TRAM1: variants seen among roughly 807,000 people sequenced by gnomAD.
TRAM1 encodes translocating chain-associated membrane protein 1.
TRAM1 carries 17 observed loss-of-function variants against 48.7 expected under a neutral mutation model. The ratio of observed to expected loss-of-function variants is 0.35; its 90% CI spans 0.24 to 0.52. TRAM1 has a LOEUF of 0.52. Ranked by LOEUF, TRAM1 falls within the 20% of genes least tolerant of loss-of-function variation. The pLI is 0.94. For missense variants in TRAM1, 351 were observed against 441.5 expected (o/e 0.79, Z 1.84); for synonymous variants, 182 against 154.0 (o/e 1.18, Z -1.34).
At chr8:70,599,983 T>C (rs746336269) in intron 2 of TRAM1, 36 bp downstream of exon 2, 16 of 1,571,132 alleles carry the variant, frequency 1.0e-5, no homozygotes, top group African/African-American at 1.4e-5. Context: ...ACTGAACTTC[T>C]ATTTACGTAG....
intron 10 of TRAM1, among the ~76,000 whole-genome samples, chr8:70,577,783 C>A (rs1408379883): frequency 1.3e-5 from 2 of 152,360 alleles, no homozygotes; most frequent in East Asian, 1.9e-4. Context: ...GGCTATGACA[C>A]CCTCTTTGGG....
chr8:70,587,272 C>G, intron 6 of TRAM1, 96 bp from the exon 7 acceptor site: 1 of 1,251,582 alleles, frequency 8.0e-7, no homozygotes, highest in Non-Finnish European at 1.1e-6. Flanking sequence ...AGGTTGGTCT[C>G]AAAACCTTGG....
intron 10 of TRAM1, among the ~76,000 whole-genome samples, chr8:70,580,219 T>C (rs184808809): frequency 6.6e-6 from 1 of 152,208 alleles, no homozygotes; most frequent in Admixed American, 6.5e-5. Flanking sequence ...GCCAGTATTA[T>C]CTTGATACTA....
At chr8:70,600,526 CAG>C (rs1817586390) in intron 1 of TRAM1, among the ~76,000 whole-genome samples, 2 of 152,104 alleles carry the variant, frequency 1.3e-5, no homozygotes, top group African/African-American at 4.8e-5. Context: ...ACACACCCAG[CAG>C]AGTTAAGTGG....
In TRAM1 at chr8:70,608,128, C is replaced by A; in HGVS notation, c.72G>T (p.Ala24=). ...LSHEFVLQNH[A]DIVSCVAMVF... is the part of the protein sequence containing the mutation. ...CCATCGCCACACAGGAGACGATGTC[C>A]GCGTGATTCTGCAGGACGAATTCGT... The change falls in exon 1 of 11, where the codon GCG becomes GCT. Residue 24 remains alanine (A), a synonymous_variant. Transcript: ENST00000262213. The A allele has an allele frequency of 6.3e-7, 1 of 1,599,926 alleles. No individual in the cohort carries two copies. Among genetic ancestry groups the A allele is most frequent in the South Asian group, 1.1e-5 (1 of 89,666 alleles).
In TRAM1 at chr8:70,583,845, C is replaced by T. The variant is rs371644571; in HGVS notation, c.747-52G>A. 5.4e-5 allele frequency: 82 copies of T among 1,512,324 alleles called. 1 individual carries two copies. The African/African-American group carries it at 9.4e-4, about 17-fold the overall frequency. 93.7% of individuals were successfully genotyped at this position (1,512,324 alleles called of 1,614,324 possible). A position where few individuals can be genotyped will look rare whatever the true frequency, so the allele number is the denominator to read the frequency against. ...TTCCTGAAATCTCAAAAACAAGATT[C>T]TATTAGAAATTAGATTCCTAAGTTG... On this transcript the variant is annotated intron_variant, in intron 8 of 10. Coordinates refer to ENST00000262213, the MANE Select transcript of TRAM1 (RefSeq NM_014294.6).
At chr8:70,577,815 C>T (rs146151909) in intron 10 of TRAM1, among the ~76,000 whole-genome samples, 1,814 of 152,354 alleles carry the variant, frequency 0.012, 14 homozygotes, top group Non-Finnish European at 0.018. Flanking sequence ...CCCACCATCT[C>T]CAAGCTCTGG....
rs576424808 is a variant in TRAM1, at chr8:70,581,583, C to A, written c.1051+1581G>T. Reference sequence around the variant, plus strand: ...CCCTCAAAATGTTAAACATAGTTACCGCATGACTCGGAAATCCCACTCCTA... The same window carrying A: ...CCCTCAAAATGTTAAACATAGTTACAGCATGACTCGGAAATCCCACTCCTA... On this transcript the variant is annotated intron_variant, in intron 10 of 10. Coordinates refer to ENST00000262213, the MANE Select transcript of TRAM1 (RefSeq NM_014294.6). Among the ~76,000 whole-genome samples, 3 of 152,084 alleles carry A rather than the reference C, an allele frequency of 2.0e-5. No individual in the cohort carries two copies. The East Asian group carries it at 5.8e-4, about 29-fold the overall frequency.
chr8:70,598,242 A>G lies in TRAM1; in HGVS notation c.201T>C (p.Thr67=), dbSNP rs1428890809. The G allele has an allele frequency of 6.2e-7, 1 of 1,608,240 alleles. No individual in the cohort carries two copies. The highest frequency in any genetic ancestry group is 1.7e-5 in the Admixed American group (1 of 59,006). ...VTLPATEEQA[T]ESVSLYYYGI... ...CATAGTAATAAAGGGACACTGATTC[A>G]GTAGCTTGTTCTTCTGAAGACCAAA... Residue 67 remains threonine, a synonymous_variant, in exon 3 of 11, where the codon ACT becomes ACC. Coordinates refer to ENST00000262213, the MANE Select transcript of TRAM1 (RefSeq NM_014294.6).
chr8:70,590,860 A>G (rs565980623), intron 6 of TRAM1, among the ~76,000 whole-genome samples: 1 of 152,356 alleles, frequency 6.6e-6, no homozygotes, highest in African/African-American at 2.4e-5. Flanking sequence ...TAGTGTCTCT[A>G]AAGCAGTGTT....
chr8:70,602,874 T>A (rs1353486436), intron 1 of TRAM1, among the ~76,000 whole-genome samples: 3 of 152,196 alleles, frequency 2.0e-5, no homozygotes, highest in Admixed American at 6.5e-5. Flanking sequence ...GGGGCCGTGG[T>A]ACCACAAAAG....
At chr8:70,586,485 T>C (rs1354983880) in intron 8 of TRAM1, among the ~76,000 whole-genome samples, 1 of 152,146 alleles carries the variant, frequency 6.6e-6, no homozygotes, top group African/African-American at 2.4e-5. Context: ...TTGCACTCTT[T>C]ACAAGTTACA....
intron 1 of TRAM1, among the ~76,000 whole-genome samples, chr8:70,601,053 T>C (rs1277657048): frequency 3.3e-5 from 5 of 152,188 alleles, no homozygotes; most frequent in African/African-American, 4.8e-5. Flanking sequence ...TTCGCACAAG[T>C]GGAGAATGTT....
chr8:70,597,935 T>C lies in TRAM1; in HGVS notation c.386A>G (p.Tyr129Cys). 1.2e-6 allele frequency: 2 copies of C among 1,602,242 alleles called. No individual in the cohort carries two copies. Among genetic ancestry groups the C allele is most frequent in the South Asian group, 2.3e-5 (2 of 88,858 alleles). ...FNESGQLSAF[Y>C]LFACVWGTFI... ...TGTGCCCCAAACACAGGCAAAAAGGTAGAACGCACTAAGCTGACCAGATTC... is the reference window on the plus strand; with the variant it reads ...TGTGCCCCAAACACAGGCAAAAAGGCAGAACGCACTAAGCTGACCAGATTC... Residue 129 changes from tyrosine to cysteine, a missense_variant, in exon 4 of 11, where the codon TAC (tyrosine) becomes TGC (cysteine). By Grantham distance (194) the Tyr-to-Cys change is radical. Transcript: ENST00000262213.
chr8:70,607,286 A>G (rs1586769782), intron 1 of TRAM1: 1 of 985,298 alleles, frequency 1.0e-6, no homozygotes, highest in South Asian at 4.7e-5. Context: ...TGACATTCCC[A>G]TCCTCTCCTA....
Position 70,573,584 on chromosome 8 carries a change from C to A in TRAM1, c.*1348G>T, listed in dbSNP as rs1816866982. Reference sequence around the variant, plus strand: ...CTACTTTTTCCAGGAAGTAGGTTAACAGCTAGAAAGAAAAAGGACAATTTC... The same window carrying A: ...CTACTTTTTCCAGGAAGTAGGTTAAAAGCTAGAAAGAAAAAGGACAATTTC... On this transcript the variant is annotated 3_prime_UTR_variant, in exon 11 of 11. Coordinates refer to ENST00000262213, the MANE Select transcript of TRAM1 (RefSeq NM_014294.6). The A allele has an allele frequency of 6.6e-6, 1 of 152,536 alleles. No individual in the cohort carries two copies. The highest frequency in any genetic ancestry group is 1.5e-5 in the Non-Finnish European group (1 of 68,030). The allele number at this position is 152,536 out of a possible 1,614,324, so 9.4% of individuals were successfully genotyped here. A position where few individuals can be genotyped will look rare whatever the true frequency, so the allele number is the denominator to read the frequency against.
At chr8:70,576,069 TAAAAAAAAAAGAA>T (rs752724051) in intron 10 of TRAM1, among the ~76,000 whole-genome samples, 1,517 of 40,148 alleles carry the variant, frequency 0.038, 28 homozygotes, top group South Asian at 0.084. Context: ...AGACTCCATC[TAAAAAAAAAAGAA>T]AAAAAAAAAA....
chr8:70,600,920 C>G (rs1268245858), intron 1 of TRAM1, among the ~76,000 whole-genome samples: 1 of 152,084 alleles, frequency 6.6e-6, no homozygotes, highest in Admixed American at 6.5e-5. Context: ...GTGGCAAGAT[C>G]AAGTAGCAGT....
At chr8:70,606,436 T>C (rs907824183) in intron 1 of TRAM1, among the ~76,000 whole-genome samples, 4 of 152,190 alleles carry the variant, frequency 2.6e-5, no homozygotes, top group Admixed American at 6.5e-5. Flanking sequence ...GCTCCAGTGA[T>C]TCTCCTGCCT....
Sources: gnomAD v4.1 joint callset for allele counts (sites outside exome capture counted in the v4.1 genomes callset) on GRCh38, gnomAD v4.1.1 for gene constraint, MANE v1.5 for transcripts, NCBI Gene and HGNC (gene_info 2026-07-23, HGNC 2026-07-21) for gene names.